The following RANBP2 variants were observed in gnomAD, a reference collection of about 807,000 sequenced individuals.
The protein encoded by RANBP2 is RAN binding protein 2, also known as E3 SUMO-protein ligase RanBP2.
A neutral mutation model predicts 303.6 loss-of-function variants in RANBP2; 57 were observed. The observed-to-expected ratio is 0.19, with a 90% confidence interval of 0.15 to 0.23. The LOEUF (loss-of-function observed/expected upper bound fraction) is 0.23. Ranked by LOEUF, RANBP2 falls within the 10% of genes least tolerant of loss-of-function variation. RANBP2 has a pLI of 1.00. For missense variants in RANBP2, 3,138 were observed against 3,780.8 expected (o/e 0.83, Z 4.46); for synonymous variants, 1,167 against 1,301.5 (o/e 0.90, Z 2.23).
chr2:108,728,374 G>A (rs1165339026), intron 1 of RANBP2, among the ~76,000 whole-genome samples: 1 of 152,136 alleles, frequency 6.6e-6, no homozygotes, highest in African/African-American at 2.4e-5. Context: ...ACTCACGGCA[G>A]TGTCAACCTC....
At chr2:108,743,000 A>G (rs929692074) in intron 7 of RANBP2, among the ~76,000 whole-genome samples, 8 of 152,212 alleles carry the variant, frequency 5.3e-5, no homozygotes, top group African/African-American at 1.4e-4. Context: ...CATGTTAGCC[A>G]GGATGGTCTC....
the RANBP2 span, among the ~76,000 whole-genome samples, chr2:109,306,900 G>A: frequency 6.6e-6 from 1 of 152,214 alleles, no homozygotes; most frequent in Non-Finnish European, 1.5e-5. Flanking sequence ...GTGTACGGTA[G>A]GGCCGCGGCA....
the RANBP2 span, among the ~76,000 whole-genome samples, chr2:109,467,551 G>A: frequency 2.0e-5 from 3 of 152,248 alleles, no homozygotes; most frequent in Non-Finnish European, 4.4e-5. Flanking sequence ...ACATCGCCCA[G>A]ATGGTGGGGC....
rs1256543780 is a variant in RANBP2 at position 108,764,600 on chromosome 2, C to T, written c.4061C>T (p.Ser1354Phe). ...FEFQVAKKEG[S>F]WWHCNSCSLK... Reference sequence around the variant, plus strand: ...TTTCAGGTTGCAAAGAAAGAAGGGTCTTGGTGGCATTGTAACAGCTGCTCA... The same window carrying T: ...TTTCAGGTTGCAAAGAAAGAAGGGTTTTGGTGGCATTGTAACAGCTGCTCA... Residue 1354 changes from serine (S) to phenylalanine (F), a missense_variant, in exon 20 of 29, where the codon TCT (serine) becomes TTT (phenylalanine). By Grantham distance (155) the Ser-to-Phe change is radical. Coordinates refer to ENST00000283195, the MANE Select transcript of RANBP2 (RefSeq NM_006267.5). 6.2e-7 allele frequency: 1 copy of T among 1,613,916 alleles called. No homozygotes were observed. The highest frequency in any genetic ancestry group is 1.7e-5 in the Admixed American group (1 of 60,000).
chr2:108,720,365 A>C (rs990271576), intron 1 of RANBP2, among the ~76,000 whole-genome samples: 7 of 151,800 alleles, frequency 4.6e-5, no homozygotes, highest in African/African-American at 1.7e-4. Flanking sequence ...CTTAAAAAAA[A>C]AAAATTCTAA....
the RANBP2 span, among the ~76,000 whole-genome samples, chr2:109,154,019 G>T: frequency 2.6e-5 from 4 of 152,350 alleles, no homozygotes; most frequent in African/African-American, 9.6e-5. Context: ...AGTGATTCTG[G>T]TTGGTGGACA....
At chr2:109,161,493 A>G in the RANBP2 span, among the ~76,000 whole-genome samples, 1 of 151,354 alleles carries the variant, frequency 6.6e-6, no homozygotes, top group Non-Finnish European at 1.5e-5. Context: ...GACGTGCATT[A>G]CATATCGTAA....
chr2:108,981,828 CAT>C, the RANBP2 span, among the ~76,000 whole-genome samples: 3,481 of 152,326 alleles, frequency 0.023, 51 homozygotes, highest in Non-Finnish European at 0.037. Flanking sequence ...TTACTCTGCA[CAT>C]GTGTGAAGCA....
chr2:109,595,444 C>A, the RANBP2 span, among the ~76,000 whole-genome samples: 43 of 152,318 alleles, frequency 2.8e-4, no homozygotes, highest in African/African-American at 9.9e-4. Context: ...AAAGGCCCCC[C>A]AGTCCCAGTC....
intron 23 of RANBP2, 114 bp downstream of exon 23, chr2:108,773,160 C>A: frequency 8.6e-7 from 1 of 1,164,584 alleles, no homozygotes; most frequent in Non-Finnish European, 1.2e-6. Context: ...TCTTGTTGCC[C>A]AGGCTGGAGT....
chr2:109,679,649 G>A, the RANBP2 span, among the ~76,000 whole-genome samples: 1 of 152,158 alleles, frequency 6.6e-6, no homozygotes, highest in Admixed American at 6.6e-5. Context: ...CCTTAGAGTA[G>A]AAATTTCCAA....
the RANBP2 span, among the ~76,000 whole-genome samples, chr2:109,691,665 G>A: frequency 1.3e-5 from 2 of 152,120 alleles, no homozygotes; most frequent in South Asian, 2.1e-4. Context: ...GGATAGGGAG[G>A]GACAAGCAAC....
chr2:109,352,130 A>C, the RANBP2 span, among the ~76,000 whole-genome samples: 1 of 152,190 alleles, frequency 6.6e-6, no homozygotes, highest in Non-Finnish European at 1.5e-5. Flanking sequence ...TGGAGTTGAT[A>C]TTAGGATTAC....
the RANBP2 span, among the ~76,000 whole-genome samples, chr2:108,809,792 C>T: frequency 9.5e-6 from 1 of 105,352 alleles, no homozygotes; most frequent in Admixed American, 1.1e-4. Context: ...GACTCATTTC[C>T]AATTTTTGTT....
the RANBP2 span, among the ~76,000 whole-genome samples, chr2:109,355,716 C>T: frequency 6.6e-5 from 10 of 152,156 alleles, no homozygotes; most frequent in Admixed American, 2.6e-4. Context: ...ACCCTGGGGA[C>T]GCCCTCCTCT....
the RANBP2 span, among the ~76,000 whole-genome samples, chr2:109,524,346 G>C: frequency 6.1e-5 from 9 of 148,620 alleles, no homozygotes; most frequent in East Asian, 1.8e-3. Context: ...ATTTGAATGA[G>C]ATCATGTGTG....
chr2:109,133,998 G>C, the RANBP2 span, among the ~76,000 whole-genome samples: 1 of 152,142 alleles, frequency 6.6e-6, no homozygotes, highest in Admixed American at 6.5e-5. Context: ...AGGATAGAGG[G>C]TGTCTATGGT....
the RANBP2 span, among the ~76,000 whole-genome samples, chr2:109,319,522 C>T: frequency 2.6e-5 from 4 of 152,190 alleles, no homozygotes; most frequent in Admixed American, 1.3e-4. Flanking sequence ...CATGTTAGTA[C>T]AGATGTGTAT....
chr2:109,319,857 G>A, the RANBP2 span, among the ~76,000 whole-genome samples: 3 of 152,184 alleles, frequency 2.0e-5, no homozygotes, highest in Non-Finnish European at 4.4e-5. Context: ...GCCAGTAGGA[G>A]TATCAGCCCA....
Sources: allele counts gnomAD v4.1 joint callset (sites outside exome capture counted in the v4.1 genomes callset), GRCh38; gene constraint gnomAD v4.1.1; transcripts MANE v1.5; gene names NCBI Gene and HGNC (gene_info 2026-07-23, HGNC 2026-07-21).